ABL2: variants seen among roughly 807,000 people sequenced by gnomAD.
ABL2 encodes ABL proto-oncogene 2, non-receptor tyrosine kinase, also known as tyrosine-protein kinase ABL2.
A neutral mutation model predicts 107.7 loss-of-function variants in ABL2; 49 were observed. The ratio of observed to expected loss-of-function variants is 0.45; its 90% CI spans 0.36 to 0.58. The LOEUF is 0.58. Ranked by LOEUF, ABL2 falls within the 20% of genes least tolerant of loss-of-function variation. The pLI, the probability that ABL2 is intolerant of heterozygous loss-of-function variation, is 0.00. For missense variants in ABL2, 1,245 were observed against 1,457.0 expected, an observed-to-expected ratio of 0.85 and a Z score of 2.37; for synonymous variants, 549 against 548.6, an observed-to-expected ratio of 1.00 and a Z score of -0.01.
At chr1:179,124,612 T>C (rs540883255) in intron 4 of ABL2, among the ~76,000 whole-genome samples, 9 of 151,908 alleles carry the variant, frequency 5.9e-5, no homozygotes, top group Non-Finnish European at 1.2e-4. Flanking sequence ...GGGATTACAG[T>C]CGCGTGCCAC....
Position 179,105,046 on chromosome 1 carries a change from G to T in ABL2, c.*2672C>A, listed in dbSNP as rs780740870. 2 of 230,004 alleles carry T rather than the reference G, an allele frequency of 8.7e-6. No individual in the cohort carries two copies. Among genetic ancestry groups the T allele is most frequent in the Non-Finnish European group, 1.7e-5 (2 of 116,010 alleles). 14.2% of individuals were successfully genotyped at this position (230,004 alleles called of 1,614,324 possible). On this transcript the variant is annotated 3_prime_UTR_variant, in exon 12 of 12. Transcript: ENST00000502732. ...GAACCTTGAGCCCTCAACCCCTGAA[G>T]TTACATAGTTCAAGCATCATGTGGA...
At chr1:179,195,492 T>C (rs550639831) in intron 1 of ABL2, among the ~76,000 whole-genome samples, 1 of 152,224 alleles carries the variant, frequency 6.6e-6, no homozygotes, top group South Asian at 2.1e-4. Context: ...AAATTAAACA[T>C]AGAATTACTG....
intron 1 of ABL2, among the ~76,000 whole-genome samples, chr1:179,221,389 G>C (rs544671007): frequency 1.3e-5 from 2 of 152,304 alleles, no homozygotes; most frequent in South Asian, 2.1e-4. Flanking sequence ...CCAGGAGTTT[G>C]AGACCAGCCA....
chr1:179,191,006 C>A (rs1244672369), intron 1 of ABL2, among the ~76,000 whole-genome samples: 1 of 152,140 alleles, frequency 6.6e-6, no homozygotes, highest in Non-Finnish European at 1.5e-5. Context: ...AGCGATCCAG[C>A]CACTTCCCAC....
chr1:179,171,773 A>G (rs553856671), intron 1 of ABL2, among the ~76,000 whole-genome samples: 81 of 152,292 alleles, frequency 5.3e-4, no homozygotes, highest in Non-Finnish European at 9.3e-4. Flanking sequence ...TTGGCCTCCC[A>G]GTGCTGGGAT....
intron 1 of ABL2, chr1:179,143,159 G>A: frequency 7.5e-7 from 1 of 1,331,084 alleles, no homozygotes; most frequent in Non-Finnish European, 9.8e-7. Context: ...GTACTCAGTG[G>A]CCAGAGGGAA....
intron 1 of ABL2, among the ~76,000 whole-genome samples, chr1:179,137,391 C>T (rs1657132653): frequency 6.6e-6 from 1 of 151,962 alleles, no homozygotes; most frequent in South Asian, 2.1e-4. Context: ...TATTTATTAG[C>T]ACCCATTACT....
chr1:179,200,039 CTTTTTTTTT>C (rs55873652), intron 1 of ABL2, among the ~76,000 whole-genome samples: 1 of 84,102 alleles, frequency 1.2e-5, no homozygotes, highest in East Asian at 3.9e-4. Flanking sequence ...CCCCCAATGC[CTTTTTTTTT>C]TTTTTTTTTT....
intron 1 of ABL2, among the ~76,000 whole-genome samples, chr1:179,143,322 T>C (rs1425381111): frequency 1.3e-5 from 2 of 152,176 alleles, no homozygotes; most frequent in Admixed American, 6.5e-5. Context: ...AAAACCAACA[T>C]ATATATGTAT....
chr1:179,121,573 A>C (rs755331629), intron 5 of ABL2, 22 bp downstream of exon 5: 1 of 1,601,126 alleles, frequency 6.2e-7, no homozygotes, highest in Non-Finnish European at 8.5e-7. Context: ...ATGCCTGAAA[A>C]CTGTAATTCT....
chr1:179,229,202 C>CCCCG, intron 1 of ABL2, 39 bp downstream of exon 1: 1 of 1,401,860 alleles, frequency 7.1e-7, no homozygotes, highest in Non-Finnish European at 9.4e-7. Flanking sequence ...CACCCCCGGC[C>CCCCG]TCCCCCACGC....
rs752266744 is a variant in ABL2, at chr1:179,121,825, G to A, written c.730C>T (p.Leu244Phe). 1 of 1,613,410 alleles carries A rather than the reference G, an allele frequency of 6.2e-7. No individual in the cohort carries two copies. Among genetic ancestry groups the A allele is most frequent in the South Asian group, 1.1e-5 (1 of 91,048 alleles). The change falls in exon 5 of 12, where the codon CTT becomes TTT. Residue 244 changes from leucine to phenylalanine, a missense_variant. By Grantham distance (22) the Leu-to-Phe change is conservative. This residue lies in a region of ABL2 where 320 missense variants were observed against 547.0 expected (regional missense o/e 0.59). Transcript: ENST00000502732. ...GCCACTGTGGAGTGATGGTGTACAA[G>A]CTCTGCCAAGGTGCTGAAGCGGCTC... ...AESRFSTLAE[L>F]VHHHSTVADG...
At chr1:179,110,768 T>C (rs1249645800) in intron 10 of ABL2, 1 of 1,613,992 alleles carries the variant, frequency 6.2e-7, no homozygotes, top group Non-Finnish European at 8.5e-7. Context: ...TTACTATGAA[T>C]ACGTTGCTAG....
At chr1:179,163,621 C>A (rs1659209501) in intron 1 of ABL2, among the ~76,000 whole-genome samples, 2 of 152,100 alleles carry the variant, frequency 1.3e-5, no homozygotes, top group Admixed American at 6.5e-5. Context: ...GTGGCAGGTA[C>A]CTGTAATCCC....
intron 1 of ABL2, among the ~76,000 whole-genome samples, chr1:179,145,672 G>A (rs1657935256): frequency 6.6e-6 from 1 of 152,250 alleles, no homozygotes; most frequent in Non-Finnish European, 1.5e-5. Flanking sequence ...AGTAGACAAT[G>A]TAGCAAGTTC....
chr1:179,129,220 C>A (rs560425582), intron 3 of ABL2, among the ~76,000 whole-genome samples: 11 of 152,264 alleles, frequency 7.2e-5, no homozygotes, highest in African/African-American at 2.6e-4. Context: ...AGTGAGGAAT[C>A]AACAGTCTTT....
chr1:179,144,196 G>A lies in ABL2; in HGVS notation c.158-10822C>T, dbSNP rs186954473. Among the ~76,000 whole-genome samples, 345 of 152,124 alleles carry A rather than the reference G, an allele frequency of 2.3e-3. 2 individuals are homozygous for A. Among genetic ancestry groups the A allele is most frequent in the South Asian group, 3.1e-3 (15 of 4,810 alleles). ...TTGTAGGCCAGGGGCGGTGGCTCAC[G>A]CCTGTAATCCCAGCACTTTGGGAGG... On this transcript the variant is annotated intron_variant, in intron 1 of 11. Coordinates refer to ENST00000502732, the MANE Select transcript of ABL2 (RefSeq NM_007314.4).
rs973985243 is a variant in ABL2, at chr1:179,106,977, G to A, written c.*741C>T. On this transcript the variant is annotated 3_prime_UTR_variant, in exon 12 of 12. Coordinates refer to ENST00000502732, the MANE Select transcript of ABL2 (RefSeq NM_007314.4). Reference sequence around the variant, plus strand: ...GATAGCCACCAACAGGCAGGAAGCCGATCCTGGTCCATTATGAAATAATAT... The same window carrying A: ...GATAGCCACCAACAGGCAGGAAGCCAATCCTGGTCCATTATGAAATAATAT... The A allele has an allele frequency of 7.4e-5, 17 of 230,080 alleles. No individual in the cohort carries two copies. The highest frequency in any genetic ancestry group is 1.1e-4 in the Non-Finnish European group (13 of 116,142). 14.3% of individuals were successfully genotyped at this position (230,080 alleles called of 1,614,324 possible).
At chr1:179,121,237 A>T (rs1268293268) in intron 5 of ABL2, among the ~76,000 whole-genome samples, 12 of 152,212 alleles carry the variant, frequency 7.9e-5, no homozygotes, top group African/African-American at 2.4e-4. Flanking sequence ...AGGACAGAAC[A>T]AGAAAGAGGC....
Sources: gnomAD v4.1 joint callset for allele counts (sites outside exome capture counted in the v4.1 genomes callset) on GRCh38, gnomAD v4.1.1 for gene constraint, gnomAD v4.1.1 regional missense constraint, MANE v1.5 for transcripts, NCBI Gene and HGNC (gene_info 2026-07-23, HGNC 2026-07-21) for gene names.